Variants in EPB41L5 observed in about 807,000 individuals in gnomAD.
EPB41L5 encodes the protein band 4.1-like protein 5.
Under a neutral mutation model 106.6 loss-of-function variants are expected in EPB41L5, and 55 were observed. The ratio of observed to expected loss-of-function variants is 0.52; its 90% CI spans 0.42 to 0.65. EPB41L5 has a LOEUF of 0.65. EPB41L5 is among the 30% of genes least tolerant of loss of function. EPB41L5 has a pLI of 0.00. For synonymous variants in EPB41L5, 297 were observed against 306.7 expected (o/e 0.97, Z 0.33); for missense variants, 871 against 882.1 (o/e 0.99, Z 0.16).
At chr2:120,082,109 C>T (rs1453505689) in intron 10 of EPB41L5, among the ~76,000 whole-genome samples, 1 of 152,112 alleles carries the variant, frequency 6.6e-6, no homozygotes, top group Non-Finnish European at 1.5e-5. Flanking sequence ...ATTTCTTTCT[C>T]CTGCCTGATT....
intron 20 of EPB41L5, among the ~76,000 whole-genome samples, chr2:120,153,303 ATTAAG>A (rs997074846): frequency 6.6e-5 from 10 of 152,056 alleles, no homozygotes; most frequent in East Asian, 1.9e-4. Context: ...CAGTTTTCCA[ATTAAG>A]TTATTTATAA....
intron 3 of EPB41L5, among the ~76,000 whole-genome samples, chr2:120,045,124 G>T (rs1679676613): frequency 1.3e-5 from 2 of 152,128 alleles, no homozygotes; most frequent in East Asian, 3.8e-4. Flanking sequence ...CATATGGCAT[G>T]TCCATATATG....
At chr2:120,149,135 G>T (rs972560369) in intron 20 of EPB41L5, among the ~76,000 whole-genome samples, 2 of 151,692 alleles carry the variant, frequency 1.3e-5, no homozygotes, top group Non-Finnish European at 2.9e-5. Flanking sequence ...ACATCCTTTC[G>T]TGTATGTCTA....
At chr2:120,121,284 A>T (rs968088893) in intron 16 of EPB41L5, among the ~76,000 whole-genome samples, 1 of 152,142 alleles carries the variant, frequency 6.6e-6, no homozygotes, top group Non-Finnish European at 1.5e-5. Flanking sequence ...TACTTGTGCC[A>T]TGTTGGTTTG....
intron 18 of EPB41L5, among the ~76,000 whole-genome samples, chr2:120,132,924 A>G (rs111585085): frequency 4.1e-4 from 63 of 152,288 alleles, no homozygotes; most frequent in African/African-American, 1.4e-3. Flanking sequence ...ATGGAAATCT[A>G]TTGAACAGCT....
Position 120,019,195 on chromosome 2 carries a change from A to G in EPB41L5, c.111A>G (p.Gly37=). The G allele has an allele frequency of 6.2e-7, 1 of 1,613,664 alleles. No individual in the cohort carries two copies. Among genetic ancestry groups the G allele is most frequent in the East Asian group, 2.2e-5 (1 of 44,844 alleles). Residue 37 remains glycine (G), a synonymous_variant, in exon 2 of 25, where the codon GGA becomes GGG. Coordinates refer to ENST00000263713, the MANE Select transcript of EPB41L5 (RefSeq NM_020909.4). Reference sequence around the variant, plus strand: ...CCGCCACACATATTCCTGCAGCTGGAGATTCTAAGTCCATCATCACGTGTC... The same window carrying G: ...CCGCCACACATATTCCTGCAGCTGGGGATTCTAAGTCCATCATCACGTGTC... ...QRAATHIPAA[G]DSKSIITCRV... is the part of the protein sequence containing the mutation.
chr2:120,122,533 A>G (rs1000804524), intron 16 of EPB41L5, among the ~76,000 whole-genome samples: 44 of 152,110 alleles, frequency 2.9e-4, no homozygotes, highest in African/African-American at 1.7e-4. Flanking sequence ...CCATTGATCT[A>G]TATCTCTGTT....
intron 3 of EPB41L5, among the ~76,000 whole-genome samples, chr2:120,045,402 A>T (rs569969859): frequency 6.6e-6 from 1 of 152,214 alleles, no homozygotes; most frequent in Non-Finnish European, 1.5e-5. Flanking sequence ...AGTTGCAAGG[A>T]TGGTATAAAT....
intron 10 of EPB41L5, among the ~76,000 whole-genome samples, chr2:120,085,140 G>T (rs568083373): frequency 2.0e-5 from 3 of 152,078 alleles, no homozygotes. Context: ...GTGATTCTCC[G>T]TCCAGCTTTG....
chr2:120,104,966 T>C, intron 16 of EPB41L5: 1 of 983,426 alleles, frequency 1.0e-6, no homozygotes, highest in Non-Finnish European at 1.2e-6. Context: ...ACTGAATGGT[T>C]CTATAAAATG....
chr2:120,175,973 A>G lies in EPB41L5; in HGVS notation c.*1066A>G, dbSNP rs537821458. 4 of 152,584 alleles carry G rather than the reference A, an allele frequency of 2.6e-5. No individual in the cohort carries two copies. Among genetic ancestry groups the G allele is most frequent in the Non-Finnish European group, 5.9e-5 (4 of 68,044 alleles). 9.5% of individuals were successfully genotyped at this position (152,584 alleles called of 1,614,324 possible). On this transcript the variant is annotated 3_prime_UTR_variant, in exon 25 of 25. Transcript: ENST00000263713. ...CCATGTATGAAGCTATACACAGCAT[A>G]TACCGAAAGAACCTGCATTGCACTA... is the stretch of plus-strand genomic sequence containing the variant.
At chr2:120,148,326 C>T (rs1314329006) in intron 20 of EPB41L5, among the ~76,000 whole-genome samples, 2 of 152,076 alleles carry the variant, frequency 1.3e-5, no homozygotes, top group African/African-American at 4.8e-5. Context: ...CACTCCTTAC[C>T]CTTTCCAGAC....
rs776708501 is a variant in EPB41L5, at chr2:120,019,237, T to A, written c.153T>A (p.Asp51Glu). ...TCACGTGTCGGGTGTCCCTTCTGGA[T>A]GGTACTGATGTTAGTGTGGACTTGC... Reference protein sequence around the residue: ...SIITCRVSLLDGTDVSVDLPK... With the variant: ...SIITCRVSLLEGTDVSVDLPK... Residue 51 changes from aspartate (D) to glutamate (E), a missense_variant, in exon 2 of 25, where the codon GAT becomes GAA. Asp to Glu is a conservative substitution (Grantham distance 45, BLOSUM62 2). Transcript: ENST00000263713. The A allele has an allele frequency of 1.2e-6, 2 of 1,611,886 alleles. No homozygotes were observed. Among genetic ancestry groups the A allele is most frequent in the Admixed American group, 3.4e-5 (2 of 59,014 alleles).
intron 1 of EPB41L5, 22 bp downstream of exon 1, chr2:120,013,232 G>A (rs1047599710): frequency 6.6e-6 from 1 of 152,402 alleles, no homozygotes; most frequent in Non-Finnish European, 1.5e-5. Context: ...GCCCGGCGGC[G>A]GCGCCGCAGT....
intron 20 of EPB41L5, among the ~76,000 whole-genome samples, chr2:120,152,826 G>A (rs571747676): frequency 6.6e-6 from 1 of 152,130 alleles, no homozygotes; most frequent in African/African-American, 2.4e-5. Context: ...AGTCAGTTTT[G>A]GTAATTTGTT....
rs1223898415 is a variant in EPB41L5, at chr2:120,177,623, A to G, written c.*2716A>G. On this transcript the variant is annotated 3_prime_UTR_variant, in exon 25 of 25. Coordinates refer to ENST00000263713, the MANE Select transcript of EPB41L5 (RefSeq NM_020909.4). ...CATGTCAGTAGCATCATCTTTTGAC[A>G]CACAGGAGGTCATGGTCATTTCATT... 2 of 152,244 alleles carry G rather than the reference A, an allele frequency of 1.3e-5. No individual in the cohort carries two copies. The highest frequency in any genetic ancestry group is 6.5e-5 in the Admixed American group (1 of 15,280). 9.4% of individuals were successfully genotyped at this position (152,244 alleles called of 1,614,324 possible).
intron 2 of EPB41L5, 57 bp from the exon 3 acceptor site, chr2:120,041,949 C>A: frequency 7.6e-7 from 1 of 1,308,326 alleles, no homozygotes; most frequent in Non-Finnish European, 1.1e-6. Context: ...TTCTTTTGTT[C>A]AGGCTTGTTG....
At chr2:120,116,940 A>G (rs1684972384) in intron 16 of EPB41L5, among the ~76,000 whole-genome samples, 1 of 152,228 alleles carries the variant, frequency 6.6e-6, no homozygotes, top group Non-Finnish European at 1.5e-5. Flanking sequence ...AAAATCCAAA[A>G]GGATTTTTCC....
At chr2:120,045,182 C>T (rs1679682474) in intron 3 of EPB41L5, among the ~76,000 whole-genome samples, 1 of 152,112 alleles carries the variant, frequency 6.6e-6, no homozygotes, top group Non-Finnish European at 1.5e-5. Flanking sequence ...ATAGATCAGT[C>T]CAAAACGTCT....
Sources: gnomAD v4.1 joint callset for allele counts (sites outside exome capture counted in the v4.1 genomes callset) on GRCh38, gnomAD v4.1.1 for gene constraint, MANE v1.5 for transcripts, NCBI Gene and HGNC (gene_info 2026-07-23, HGNC 2026-07-21) for gene names.